The following RFX3 variants were observed in gnomAD, a reference collection of about 807,000 sequenced individuals.
The protein encoded by RFX3 is transcription factor RFX3.
A neutral mutation model predicts 98.6 loss-of-function variants in RFX3; 14 were observed. That is an observed-to-expected ratio of 0.14 (90% CI 0.09 to 0.22). The LOEUF (loss-of-function observed/expected upper bound fraction) is 0.22, where lower values mean the gene tolerates loss of function less well. Among genes scored for constraint, RFX3 ranks in the 10% least tolerant of loss-of-function variants. The pLI is 1.00. For missense variants in RFX3, 639 were observed against 926.9 expected (o/e 0.69, Z 4.03); for synonymous variants, 383 against 328.4 (o/e 1.17, Z -1.80).
intron 3 of RFX3, among the ~76,000 whole-genome samples, chr9:3,343,411 A>G (rs546402086): frequency 5.5e-4 from 84 of 152,302 alleles, no homozygotes; most frequent in African/African-American, 2.0e-3. Context: ...CTGTTAATTC[A>G]GTGTGGTAGA....
intron 4 of RFX3, among the ~76,000 whole-genome samples, chr9:3,325,046 CG>C (rs1831758045): frequency 6.6e-6 from 1 of 152,016 alleles, no homozygotes; most frequent in African/African-American, 2.4e-5. Flanking sequence ...AATTGGGAAA[CG>C]GGTGAGAGAG....
Position 3,293,176 on chromosome 9 carries a change from T to C in RFX3, c.632A>G (p.His211Arg). The change falls in exon 6 of 17, where the codon CAC becomes CGC. Residue 211 changes from histidine (H) to arginine (R), a missense_variant. By Grantham distance (29) the His-to-Arg change is conservative (BLOSUM62 0). This residue lies in a region of RFX3 where 24 missense variants were observed against 74.5 expected (regional missense o/e 0.32). Coordinates refer to ENST00000617270, the MANE Select transcript of RFX3 (RefSeq NM_001282116.2). ...TGGGTCCAGTTTGTGTTCCTGACAG[T>C]GTCGAAGGTAGTGGTTGTACAGAGT... ...RSTLYNHYLRHCQEHKLDPVN... is the reference protein window; with the variant it reads ...RSTLYNHYLRRCQEHKLDPVN... 1 of 1,613,596 alleles carries C rather than the reference T, an allele frequency of 6.2e-7. No homozygotes were observed. Among genetic ancestry groups the C allele is most frequent in the Non-Finnish European group, 8.5e-7 (1 of 1,179,672 alleles).
intron 2 of RFX3, among the ~76,000 whole-genome samples, chr9:3,349,331 G>A (rs1449716830): frequency 6.6e-6 from 1 of 151,762 alleles, no homozygotes; most frequent in African/African-American, 2.4e-5. Flanking sequence ...TAAGATATAT[G>A]CCCCTAGAGA....
chr9:3,394,164 A>C (rs1436314496), intron 2 of RFX3, among the ~76,000 whole-genome samples: 1 of 152,124 alleles, frequency 6.6e-6, no homozygotes, highest in Non-Finnish European at 1.5e-5. Flanking sequence ...AAAAATGTTT[A>C]AAAAATAAAC....
At chr9:3,258,657 T>A (rs1240482669) in intron 13 of RFX3, among the ~76,000 whole-genome samples, 2 of 151,946 alleles carry the variant, frequency 1.3e-5, no homozygotes, top group African/African-American at 4.8e-5. Context: ...AATATCATTA[T>A]AGAAAAAACT....
chr9:3,246,503 C>T (rs185696132), intron 15 of RFX3, among the ~76,000 whole-genome samples: 31 of 152,216 alleles, frequency 2.0e-4, no homozygotes, highest in Non-Finnish European at 3.2e-4. Context: ...TGAGAATCCC[C>T]GCCATCATTA....
intron 1 of RFX3, among the ~76,000 whole-genome samples, chr9:3,506,067 G>A (rs1293815937): frequency 6.6e-6 from 1 of 151,722 alleles, no homozygotes; most frequent in African/African-American, 2.4e-5. Flanking sequence ...AAATTGAAGA[G>A]CACTCCTTAA....
At chr9:3,422,528 C>T (rs962573264) in intron 1 of RFX3, among the ~76,000 whole-genome samples, 2 of 152,192 alleles carry the variant, frequency 1.3e-5, no homozygotes, top group South Asian at 4.1e-4. Context: ...TTAGAAGCAA[C>T]TCTTTTCTAC....
intron 1 of RFX3, among the ~76,000 whole-genome samples, chr9:3,489,946 G>C (rs1049524741): frequency 3.3e-5 from 5 of 152,122 alleles, no homozygotes; most frequent in Non-Finnish European, 7.4e-5. Flanking sequence ...GTTGGGATGG[G>C]AAGTTGGTAG....
At chr9:3,390,415 T>C (rs1412933913) in intron 2 of RFX3, among the ~76,000 whole-genome samples, 1 of 152,174 alleles carries the variant, frequency 6.6e-6, no homozygotes, top group Non-Finnish European at 1.5e-5. Flanking sequence ...TAGAGACTTG[T>C]TGAATGGCTT....
chr9:3,257,294 T>C (rs1392705454), intron 13 of RFX3, 95 bp from the exon 14 acceptor site: 7 of 960,580 alleles, frequency 7.3e-6, no homozygotes, highest in African/African-American at 1.6e-5. Context: ...CAGAAAATTA[T>C]AATAAAAGCT....
At chr9:3,435,638 T>C (rs1464021360) in intron 1 of RFX3, among the ~76,000 whole-genome samples, 2 of 151,922 alleles carry the variant, frequency 1.3e-5, no homozygotes, top group Non-Finnish European at 2.9e-5. Context: ...GCTAGAATGT[T>C]ACCTCAATAT....
intron 1 of RFX3, among the ~76,000 whole-genome samples, chr9:3,482,360 C>T (rs974322422): frequency 2.0e-5 from 3 of 151,912 alleles, no homozygotes; most frequent in African/African-American, 7.3e-5. Flanking sequence ...CGGAGAAATC[C>T]CGAGAAGACA....
chr9:3,294,500 T>C (rs143383295), intron 5 of RFX3, among the ~76,000 whole-genome samples: 7 of 152,234 alleles, frequency 4.6e-5, no homozygotes, highest in East Asian at 1.9e-4. Context: ...GAATTTCCAA[T>C]GAAATGCTAA....
chr9:3,356,917 AACTCAACGTCCATT>A lies in RFX3; in HGVS notation c.118-10167_118-10154del, dbSNP rs1835835701. 5.3e-5 allele frequency among the ~76,000 whole-genome samples: 8 copies of A among 150,760 alleles called. No homozygotes were observed. In the South Asian group the frequency reaches 1.7e-3, roughly 31 times the overall value. On this transcript the variant is annotated intron_variant, in intron 2 of 16. Transcript: ENST00000617270. ...TAAATGCCAGAAAAGCATTTGACAAAACTCAACGTCCATTCATGATTAAACACACACACACATAC... is the reference window on the plus strand; with the variant it reads ...TAAATGCCAGAAAAGCATTTGACAAACATGATTAAACACACACACACATAC...
chr9:3,382,572 TGCTTTTGTCTTTTTCTTGAGAATCATTTA>T (rs1398533504), intron 2 of RFX3, among the ~76,000 whole-genome samples: 1 of 152,196 alleles, frequency 6.6e-6, no homozygotes, highest in Admixed American at 6.5e-5. Flanking sequence ...TAATTTTTAA[TGCTTTTGTCTTTTTCTTGAGAATCATTTA>T]GTTTGTATTT....
At chr9:3,437,833 G>A (rs1470053159) in intron 1 of RFX3, among the ~76,000 whole-genome samples, 1 of 151,856 alleles carries the variant, frequency 6.6e-6, no homozygotes, top group African/African-American at 2.4e-5. Context: ...ATGTCAGATG[G>A]CATATTAAAT....
At chr9:3,370,870 G>C (rs1055265453) in intron 2 of RFX3, among the ~76,000 whole-genome samples, 3 of 152,018 alleles carry the variant, frequency 2.0e-5, no homozygotes, top group African/African-American at 7.2e-5. Flanking sequence ...TTTCCTCTCA[G>C]AAAACTGAAC....
chr9:3,483,390 T>C (rs1002773021), intron 1 of RFX3, among the ~76,000 whole-genome samples: 1 of 152,208 alleles, frequency 6.6e-6, no homozygotes, highest in Non-Finnish European at 1.5e-5. Flanking sequence ...TTGCTCAATG[T>C]TGTATTTCCA....
Sources: gnomAD v4.1 joint callset for allele counts (sites outside exome capture counted in the v4.1 genomes callset) on GRCh38, gnomAD v4.1.1 for gene constraint, gnomAD v4.1.1 regional missense constraint, MANE v1.5 for transcripts, NCBI Gene and HGNC (gene_info 2026-07-23, HGNC 2026-07-21) for gene names.